RASA3: variants seen among roughly 807,000 people sequenced by gnomAD.
RASA3 encodes the protein ras GTPase-activating protein 3.
RASA3 carries 73 observed loss-of-function variants against 110.0 expected under a neutral mutation model. The ratio of observed to expected loss-of-function variants is 0.66; its 90% CI spans 0.55 to 0.81. The LOEUF (loss-of-function observed/expected upper bound fraction) is 0.81. RASA3 is among the 30% of genes least tolerant of loss of function. RASA3 has a pLI of 0.00. For synonymous variants in RASA3, 500 were observed against 451.4 expected (o/e 1.11, Z -1.37); for missense variants, 976 against 1,113.2 (o/e 0.88, Z 1.75).
chr13:114,012,977 A>AC (rs1239588339), intron 15 of RASA3, among the ~76,000 whole-genome samples, 165 bp downstream of exon 15: 1 of 132,398 alleles, frequency 7.6e-6, no homozygotes, highest in Non-Finnish European at 1.6e-5. Context: ...CTCCCCACTC[A>AC]CTCCTCATTC....
chr13:114,013,070 C>T (rs1219181700), intron 15 of RASA3, 72 bp downstream of exon 15: 15 of 1,341,726 alleles, frequency 1.1e-5, no homozygotes, highest in South Asian at 1.4e-5. Context: ...CCTACAGCCA[C>T]GCAGATGCCC....
intron 21 of RASA3, among the ~76,000 whole-genome samples, chr13:113,993,424 C>G (rs1200888634): frequency 5.3e-5 from 8 of 151,996 alleles, no homozygotes; most frequent in Non-Finnish European, 1.2e-4. Context: ...GATCCACCCA[C>G]CTCGACCTCC....
intron 18 of RASA3, among the ~76,000 whole-genome samples, chr13:114,002,194 G>A (rs1037693271): frequency 2.7e-4 from 41 of 152,342 alleles, no homozygotes; most frequent in African/African-American, 9.6e-4. Flanking sequence ...GGAGGTGGGC[G>A]GGGGAGACGC....
intron 1 of RASA3, among the ~76,000 whole-genome samples, chr13:114,107,392 C>T (rs2080149170): frequency 6.6e-6 from 1 of 152,194 alleles, no homozygotes; most frequent in Admixed American, 6.5e-5. Flanking sequence ...ACCCTGACAC[C>T]ATGGGTCTGA....
Position 113,979,213 on chromosome 13 carries a change from C to T in RASA3, c.*134G>A, listed in dbSNP as rs1185351373. 9.4e-6 allele frequency: 8 copies of T among 855,014 alleles called. No homozygotes were observed. The highest frequency in any genetic ancestry group is 4.6e-5 in the South Asian group (3 of 64,916). 53.0% of individuals were successfully genotyped at this position (855,014 alleles called of 1,614,324 possible). ...CGGTTCTGGGAGAGGGAAACCCCAG[C>T]GCCACTTGTCTATGGGCCGGGACGG... On this transcript the variant is annotated 3_prime_UTR_variant, in exon 24 of 24. Transcript: ENST00000334062.
intron 17 of RASA3, 43 bp from the exon 18 acceptor site, chr13:114,007,649 T>C (rs377200634): frequency 8.7e-6 from 13 of 1,498,938 alleles, no homozygotes; most frequent in Non-Finnish European, 1.1e-5. Context: ...AAGCCACACA[T>C]CTGACGTGCA....
At chr13:114,016,609 C>T (rs540153827) in intron 12 of RASA3, among the ~76,000 whole-genome samples, 3 of 152,328 alleles carry the variant, frequency 2.0e-5, no homozygotes, top group Admixed American at 6.5e-5. Context: ...TCTCAGGGAG[C>T]GATGTGCGCC....
rs935259169 is a variant in RASA3 at position 114,056,570 on chromosome 13, C to G, written c.174-4415G>C. 5.2e-5 allele frequency: 51 copies of G among 984,854 alleles called. No individual in the cohort carries two copies. In the African/African-American group the frequency reaches 8.4e-4, roughly 16 times the overall value. The allele number at this position is 984,854 out of a possible 1,614,324, so 61.0% of individuals were successfully genotyped here. On this transcript the variant is annotated intron_variant, in intron 2 of 23. Coordinates refer to ENST00000334062, the MANE Select transcript of RASA3 (RefSeq NM_007368.4). This position sits in a 1 kb window ranked among gnomAD's most constrained non-coding sequence, Gnocchi z 5.7. ...ACAAGTGGCTCCTCTCTCTGTAACT[C>G]TGCTTGGCAGTGGGGGGCTCGGTGG...
At chr13:114,069,263 T>G (rs1172389748) in intron 2 of RASA3, among the ~76,000 whole-genome samples, 1 of 151,744 alleles carries the variant, frequency 6.6e-6, no homozygotes, top group African/African-American at 2.4e-5. Flanking sequence ...CCAGGGAATG[T>G]GAGAAGGGGC....
intron 14 of RASA3, among the ~76,000 whole-genome samples, chr13:114,013,857 TC>T (rs1566478740): frequency 3.1e-4 from 16 of 52,358 alleles, no homozygotes; most frequent in East Asian, 9.6e-4. Flanking sequence ...TCTCTCTGTC[TC>T]TCTCCCTGTC....
intron 7 of RASA3, among the ~76,000 whole-genome samples, chr13:114,024,870 AG>A (rs755747682): frequency 6.1e-4 from 93 of 152,114 alleles, no homozygotes; most frequent in Non-Finnish European, 1.2e-3. Flanking sequence ...TGGAAAGTCA[AG>A]ACGCTGCTAC....
At chr13:114,064,375 G>A (rs1255170463) in intron 2 of RASA3, among the ~76,000 whole-genome samples, 1 of 152,190 alleles carries the variant, frequency 6.6e-6, no homozygotes, top group Non-Finnish European at 1.5e-5. Flanking sequence ...TCTGAGGACA[G>A]CAGCTTTCCC....
chr13:113,997,134 G>A (rs1207053651), intron 20 of RASA3, among the ~76,000 whole-genome samples: 1 of 152,220 alleles, frequency 6.6e-6, no homozygotes, highest in Non-Finnish European at 1.5e-5. Flanking sequence ...CATCCACGTG[G>A]TGCTCGTGCT....
At position 114,018,618 on chromosome 13, in the gene RASA3, G is replaced by A. The variant is rs550282340; in HGVS notation, c.942+145C>T. 2.8e-3 allele frequency: 3,000 copies of A among 1,070,966 alleles called. 7 individuals are homozygous for A. Among genetic ancestry groups the A allele is most frequent in the Non-Finnish European group, 3.6e-3 (2,728 of 760,168 alleles). 66.3% of individuals were successfully genotyped at this position (1,070,966 alleles called of 1,614,324 possible). A position where few individuals can be genotyped will look rare whatever the true frequency, so the allele number is the denominator to read the frequency against. On this transcript the variant is annotated intron_variant, in intron 10 of 23. Transcript: ENST00000334062. Reference sequence around the variant, plus strand: ...CCCCAGCAAAGGGGTCCAGGCATCTGGACGGGAAACAGGCCAGGCTGGGAG... The same window carrying A: ...CCCCAGCAAAGGGGTCCAGGCATCTAGACGGGAAACAGGCCAGGCTGGGAG...
At chr13:114,108,476 C>T (rs1403801515) in intron 1 of RASA3, among the ~76,000 whole-genome samples, 4 of 137,646 alleles carry the variant, frequency 2.9e-5, no homozygotes, top group African/African-American at 8.3e-5. Context: ...CATCACCCCA[C>T]GTCCATGATC....
chr13:114,130,999 T>C (rs1375098468), intron 1 of RASA3, among the ~76,000 whole-genome samples: 2 of 152,284 alleles, frequency 1.3e-5, no homozygotes, highest in East Asian at 1.9e-4. Context: ...GCGCCAGCTC[T>C]GGCTTTCTTG....
intron 1 of RASA3, among the ~76,000 whole-genome samples, chr13:114,108,201 TCC>T (rs1447259259): frequency 7.2e-6 from 1 of 138,694 alleles, no homozygotes; most frequent in African/African-American, 2.7e-5. Flanking sequence ...GCAGCTGTCA[TCC>T]CCCATCACCC....
intron 12 of RASA3, 91 bp downstream of exon 12, chr13:114,017,146 G>A (rs1370427100): frequency 1.3e-5 from 15 of 1,173,364 alleles, no homozygotes; most frequent in East Asian, 4.7e-5. Context: ...AGCCCAGCTC[G>A]TGGTCTGGCT....
Position 114,039,716 on chromosome 13 carries a change from G to A in RASA3, c.372+1284C>T, listed in dbSNP as rs943657674. 7.9e-5 allele frequency among the ~76,000 whole-genome samples: 12 copies of A among 152,334 alleles called. No individual in the cohort carries two copies. The South Asian group carries it at 2.3e-3, about 29-fold the overall frequency. ...TCCCTCTGTTACAGGCAAGCCTGGA[G>A]CAGCTGTTGCCGGGCAGCTGGGCAC... is the stretch of plus-strand genomic sequence containing the variant. On this transcript the variant is annotated intron_variant, in intron 4 of 23. Transcript: ENST00000334062.
Sources: allele counts gnomAD v4.1 joint callset (sites outside exome capture counted in the v4.1 genomes callset), GRCh38; gene constraint gnomAD v4.1.1; non-coding constraint Gnocchi (gnomAD v3.1); transcripts MANE v1.5; gene names NCBI Gene and HGNC (gene_info 2026-07-23, HGNC 2026-07-21).